The following FHIP1A variants were observed in gnomAD, a reference collection of about 807,000 sequenced individuals.
FHIP1A encodes the protein FHF complex subunit HOOK-interacting protein 1A.
Under a neutral mutation model 88.6 loss-of-function variants are expected in FHIP1A, and 61 were observed. That is an observed-to-expected ratio of 0.69 (90% CI 0.56 to 0.85). The LOEUF is 0.85. Among genes scored for constraint, FHIP1A ranks in the 40% least tolerant of loss-of-function variants. The pLI, the probability that FHIP1A is intolerant of heterozygous loss-of-function variation, is 0.00. For missense variants in FHIP1A, 1,154 were observed against 1,273.5 expected (o/e 0.91, Z 1.43); for synonymous variants, 478 against 496.0 (o/e 0.96, Z 0.48).
intron 2 of FHIP1A, among the ~76,000 whole-genome samples, chr4:151,473,027 G>A (rs1246988948): frequency 1.3e-5 from 2 of 152,112 alleles, no homozygotes; most frequent in Admixed American, 1.3e-4. Flanking sequence ...AGCCAGGAAA[G>A]GGTCTCCTTA....
intron 3 of FHIP1A, among the ~76,000 whole-genome samples, chr4:151,534,066 G>C (rs1731979071): frequency 1.3e-5 from 2 of 152,200 alleles, no homozygotes; most frequent in Non-Finnish European, 2.9e-5. Context: ...AGATTGCTCT[G>C]ATTAGTGTAA....
chr4:151,601,634 A>G (rs1234857120), intron 7 of FHIP1A, among the ~76,000 whole-genome samples: 1 of 150,230 alleles, frequency 6.7e-6, no homozygotes, highest in African/African-American at 2.5e-5. Flanking sequence ...TCTGAAGCAT[A>G]GGTAGCCATC....
intron 2 of FHIP1A, among the ~76,000 whole-genome samples, chr4:151,475,236 G>A (rs753876234): frequency 8.5e-5 from 13 of 152,282 alleles, no homozygotes; most frequent in Non-Finnish European, 1.6e-4. Flanking sequence ...GTGAGCAACA[G>A]GGAAAGCAGA....
chr4:151,606,152 T>C (rs1426656983), intron 7 of FHIP1A, among the ~76,000 whole-genome samples: 1 of 152,188 alleles, frequency 6.6e-6, no homozygotes, highest in Non-Finnish European at 1.5e-5. Context: ...TGTCCGTTCT[T>C]CCTCATGCCT....
At chr4:151,594,262 A>G (rs997165089) in intron 7 of FHIP1A, among the ~76,000 whole-genome samples, 6 of 152,128 alleles carry the variant, frequency 3.9e-5, no homozygotes, top group Non-Finnish European at 8.8e-5. Context: ...TCATAAAATG[A>G]GTTAGGGAGG....
intron 7 of FHIP1A, among the ~76,000 whole-genome samples, chr4:151,594,663 G>A (rs1734579196): frequency 6.6e-6 from 1 of 150,884 alleles, no homozygotes; most frequent in Admixed American, 6.6e-5. Flanking sequence ...TGCAAGCTCC[G>A]CCTCCTGGGT....
intron 1 of FHIP1A, among the ~76,000 whole-genome samples, chr4:151,411,148 A>G (rs1732622948): frequency 6.6e-6 from 1 of 152,156 alleles, no homozygotes; most frequent in Admixed American, 6.5e-5. Flanking sequence ...ACATAGTCAG[A>G]GTGATGCATT....
At chr4:151,629,955 C>T in intron 8 of FHIP1A, 86 bp downstream of exon 8, 1 of 1,078,454 alleles carries the variant, frequency 9.3e-7, no homozygotes, top group South Asian at 1.7e-5. Flanking sequence ...TATGAATATT[C>T]TCTTTTGCTC....
chr4:151,623,836 C>G (rs1735845047), intron 7 of FHIP1A, among the ~76,000 whole-genome samples: 1 of 152,154 alleles, frequency 6.6e-6, no homozygotes, highest in Admixed American at 6.5e-5. Context: ...CTGTTTTCCT[C>G]AAAACCTCAT....
At chr4:151,431,413 TA>T (rs977223690) in intron 1 of FHIP1A, among the ~76,000 whole-genome samples, 1 of 152,160 alleles carries the variant, frequency 6.6e-6, no homozygotes, top group African/African-American at 2.4e-5. Flanking sequence ...TTATTGTTTT[TA>T]AAAAAATCAT....
chr4:151,563,553 G>T (rs769675862), intron 3 of FHIP1A, among the ~76,000 whole-genome samples: 9 of 152,152 alleles, frequency 5.9e-5, no homozygotes, highest in Non-Finnish European at 1.0e-4. Flanking sequence ...GTCTGATGAT[G>T]CCATATTCAT....
intron 3 of FHIP1A, among the ~76,000 whole-genome samples, chr4:151,527,129 G>A (rs1481176133): frequency 1.3e-5 from 2 of 152,242 alleles, no homozygotes; most frequent in Non-Finnish European, 2.9e-5. Flanking sequence ...GGTGGCGGCC[G>A]GGCAGAGGCT....
intron 1 of FHIP1A, among the ~76,000 whole-genome samples, chr4:151,452,955 T>TACATACAC (rs1554078809): frequency 6.8e-6 from 1 of 147,806 alleles, no homozygotes; most frequent in Non-Finnish European, 1.5e-5. Context: ...TATATATACA[T>TACATACAC]ACACACACAC....
chr4:151,490,915 G>T lies in FHIP1A; in HGVS notation c.-123+8267G>T, dbSNP rs142576531. ...AAGAACTTCAGACCTTGAAGACAAGGCTTTTGAATTAACCATCTGACAAAG... is the reference window on the plus strand; with the variant it reads ...AAGAACTTCAGACCTTGAAGACAAGTCTTTTGAATTAACCATCTGACAAAG... On this transcript the variant is annotated intron_variant, in intron 3 of 13. Transcript: ENST00000435205. Among the ~76,000 whole-genome samples, 923 of 151,922 alleles carry T rather than the reference G, an allele frequency of 6.1e-3. 34 individuals carry two copies. The highest frequency in any genetic ancestry group is 0.05 in the Admixed American group (760 of 15,246).
At chr4:151,584,424 A>G (rs539376733) in intron 5 of FHIP1A, among the ~76,000 whole-genome samples, 1 of 152,308 alleles carries the variant, frequency 6.6e-6, no homozygotes, top group East Asian at 1.9e-4. Context: ...ATAGGTCTAC[A>G]GATAATTTTT....
intron 3 of FHIP1A, among the ~76,000 whole-genome samples, chr4:151,491,617 TG>T (rs1730285595): frequency 6.6e-6 from 1 of 150,542 alleles, no homozygotes; most frequent in African/African-American, 2.4e-5. Context: ...ACAACTAGCA[TG>T]ATGAATAGAG....
intron 13 of FHIP1A, among the ~76,000 whole-genome samples, chr4:151,658,920 AAGG>A (rs1737350688): frequency 6.6e-6 from 1 of 152,146 alleles, no homozygotes; most frequent in Non-Finnish European, 1.5e-5. Flanking sequence ...TAGCTAATTC[AAGG>A]AGATGAGTGT....
At chr4:151,516,077 A>G (rs1398029678) in intron 3 of FHIP1A, among the ~76,000 whole-genome samples, 1 of 152,228 alleles carries the variant, frequency 6.6e-6, no homozygotes, top group Non-Finnish European at 1.5e-5. Flanking sequence ...TAACCAAAAC[A>G]GCATGGTACT....
At chr4:151,569,962 G>C (rs1385051055) in intron 4 of FHIP1A, among the ~76,000 whole-genome samples, 3 of 152,186 alleles carry the variant, frequency 2.0e-5, no homozygotes, top group African/African-American at 7.2e-5. Flanking sequence ...TGACACTGAA[G>C]AGTCTGGGCT....
Sources: gnomAD v4.1 joint callset for allele counts (sites outside exome capture counted in the v4.1 genomes callset) on GRCh38, gnomAD v4.1.1 for gene constraint, MANE v1.5 for transcripts, NCBI Gene and HGNC (gene_info 2026-07-23, HGNC 2026-07-21) for gene names.